Variants in WWP1 observed in about 807,000 individuals in gnomAD.
WWP1 encodes WW domain containing E3 ubiquitin protein ligase 1.
WWP1 carries 49 observed loss-of-function variants against 130.6 expected under a neutral mutation model. The ratio of observed to expected loss-of-function variants is 0.38; its 90% CI spans 0.30 to 0.48. WWP1 has a LOEUF of 0.48. Among genes scored for constraint, WWP1 ranks in the 20% least tolerant of loss-of-function variants. The probability of loss-of-function intolerance (pLI) is 0.99; values close to 1 mark genes in which losing one functional copy is unlikely to be tolerated. For synonymous variants in WWP1, 332 were observed against 367.8 expected, an observed-to-expected ratio of 0.90 and a Z score of 1.11; for missense variants, 809 against 1,100.6, an observed-to-expected ratio of 0.74 and a Z score of 3.75.
intron 18 of WWP1, among the ~76,000 whole-genome samples, 181 bp downstream of exon 18, chr8:86,442,959 G>A (rs1196081517): frequency 6.6e-6 from 1 of 151,996 alleles, no homozygotes; most frequent in Non-Finnish European, 1.5e-5. Context: ...TCAAGATTAT[G>A]AATATGAAGA....
At chr8:86,405,795 T>C (rs1808246739) in intron 8 of WWP1, among the ~76,000 whole-genome samples, 1 of 152,134 alleles carries the variant, frequency 6.6e-6, no homozygotes, top group African/African-American at 2.4e-5. Flanking sequence ...GCTTCCCAAA[T>C]TGTTGGGATT....
chr8:86,353,608 T>A (rs1306078979), intron 1 of WWP1, among the ~76,000 whole-genome samples: 2 of 152,144 alleles, frequency 1.3e-5, no homozygotes, highest in Non-Finnish European at 2.9e-5. Context: ...TTCTCCTGCC[T>A]CAGCCTCCCA....
intron 18 of WWP1, among the ~76,000 whole-genome samples, chr8:86,447,380 C>A (rs1810941194): frequency 6.6e-6 from 1 of 152,158 alleles, no homozygotes; most frequent in African/African-American, 2.4e-5. Flanking sequence ...AATTCTCCTG[C>A]CTCATCTTCC....
chr8:86,436,547 G>C (rs370360845), intron 16 of WWP1, among the ~76,000 whole-genome samples: 53 of 151,550 alleles, frequency 3.5e-4, no homozygotes, highest in African/African-American at 1.3e-3. Context: ...AGCTCCATGA[G>C]AGCAGGGACT....
chr8:86,461,718 T>C lies in WWP1; in HGVS notation c.2597-56T>C, dbSNP rs559084495. 4.7e-5 allele frequency: 65 copies of C among 1,369,326 alleles called. No individual in the cohort carries two copies. In the African/African-American group the frequency reaches 6.6e-4, roughly 14 times the overall value. The allele number at this position is 1,369,326 out of a possible 1,614,324, so 84.8% of individuals were successfully genotyped here. ...ACATGTTCTATTATTTAAGCAGTTG[T>C]CAGAAGAAAAAAGTTTAAAGGACCA... On this transcript the variant is annotated intron_variant, in intron 23 of 24. Transcript: ENST00000517970.
intron 9 of WWP1, among the ~76,000 whole-genome samples, chr8:86,415,645 A>C (rs1188430619): frequency 6.6e-6 from 1 of 152,222 alleles, no homozygotes; most frequent in Non-Finnish European, 1.5e-5. Context: ...ACAGAACATT[A>C]ATATCACCCT....
intron 3 of WWP1, among the ~76,000 whole-genome samples, chr8:86,377,077 C>A (rs997463679): frequency 2.6e-5 from 4 of 151,736 alleles, no homozygotes; most frequent in South Asian, 4.2e-4. Flanking sequence ...ATTACAAAGA[C>A]CTCTGTATTG....
intron 8 of WWP1, among the ~76,000 whole-genome samples, chr8:86,406,989 T>C (rs1231071507): frequency 6.6e-6 from 1 of 152,224 alleles, no homozygotes; most frequent in Admixed American, 6.5e-5. Context: ...AAAGTTCATG[T>C]GAAACTTAAC....
chr8:86,386,510 CAAT>C (rs760697544), intron 5 of WWP1, among the ~76,000 whole-genome samples: 1 of 151,938 alleles, frequency 6.6e-6, no homozygotes, highest in Non-Finnish European at 1.5e-5. Context: ...GGTGTCTTGA[CAAT>C]GATGCAGGCC....
At chr8:86,426,862 A>G (rs922106556) in intron 10 of WWP1, among the ~76,000 whole-genome samples, 9 of 152,220 alleles carry the variant, frequency 5.9e-5, no homozygotes, top group African/African-American at 1.9e-4. Context: ...AATGCTTATC[A>G]AAGAAAGAAG....
In WWP1 at chr8:86,398,752, G is replaced by T. The variant is rs1807814146; in HGVS notation, c.539+114G>T. 3 of 1,048,826 alleles carry T rather than the reference G, an allele frequency of 2.9e-6. No individual in the cohort carries two copies. In the Admixed American group the frequency reaches 7.5e-5, roughly 26 times the overall value. 65.0% of individuals were successfully genotyped at this position (1,048,826 alleles called of 1,614,324 possible). A position where few individuals can be genotyped will look rare whatever the true frequency, so the allele number is the denominator to read the frequency against. Reference sequence around the variant, plus strand: ...TTTGCCACACAGTTTAGAAGCTTATGTCTAAGCATGTCATTTGGTTAATTC... The same window carrying T: ...TTTGCCACACAGTTTAGAAGCTTATTTCTAAGCATGTCATTTGGTTAATTC... On this transcript the variant is annotated intron_variant, in intron 7 of 24. Coordinates refer to ENST00000517970, the MANE Select transcript of WWP1 (RefSeq NM_007013.4).
At chr8:86,415,560 A>G (rs935567492) in intron 9 of WWP1, among the ~76,000 whole-genome samples, 2 of 152,226 alleles carry the variant, frequency 1.3e-5, no homozygotes, top group African/African-American at 4.8e-5. Flanking sequence ...AAAGAAAAAC[A>G]CGAGTCTTGA....
At chr8:86,461,048 A>G (rs894307867) in intron 22 of WWP1, among the ~76,000 whole-genome samples, 176 bp from the exon 23 acceptor site, 4 of 151,890 alleles carry the variant, frequency 2.6e-5, no homozygotes, top group Admixed American at 2.6e-4. Flanking sequence ...TGACCTCGTG[A>G]TCCGCCTGCT....
chr8:86,381,399 G>T, intron 4 of WWP1, 106 bp from the exon 5 acceptor site: 2 of 1,321,792 alleles, frequency 1.5e-6, no homozygotes, highest in Admixed American at 2.8e-5. Context: ...TGAAATTCAC[G>T]GTTTTTAAAA....
chr8:86,415,348 C>T (rs1808829233), intron 9 of WWP1, among the ~76,000 whole-genome samples: 1 of 152,054 alleles, frequency 6.6e-6, no homozygotes, highest in African/African-American at 2.4e-5. Context: ...AGTGAAAACC[C>T]ATACACTTCC....
rs150086332 is a variant in WWP1 at position 86,343,266 on chromosome 8, C to CT, written c.-115+337dup. ...TCTCTTCGCCTTCCTCCACCTTTCC[C>CT]TAACACCTCCCTGAAAACACAAATA... is the stretch of plus-strand genomic sequence containing the variant. On this transcript the variant is annotated intron_variant, in intron 1 of 24. Coordinates refer to ENST00000517970, the MANE Select transcript of WWP1 (RefSeq NM_007013.4). The CT allele has an allele frequency of 8.8e-3, 1,379 of 155,882 alleles. 14 individuals are homozygous for CT. The highest frequency in any genetic ancestry group is 0.015 in the Non-Finnish European group (1,061 of 70,446). 9.7% of individuals were successfully genotyped at this position (155,882 alleles called of 1,614,324 possible). A position where few individuals can be genotyped will look rare whatever the true frequency, so the allele number is the denominator to read the frequency against.
At chr8:86,409,215 T>C (rs1382259043) in intron 8 of WWP1, among the ~76,000 whole-genome samples, 2 of 148,354 alleles carry the variant, frequency 1.3e-5, no homozygotes, top group Non-Finnish European at 3.0e-5. Context: ...TTATTCTTTT[T>C]CTTTTTCTTT....
intron 9 of WWP1, among the ~76,000 whole-genome samples, chr8:86,422,154 A>T (rs537814958): frequency 2.1e-4 from 32 of 152,284 alleles, no homozygotes; most frequent in Admixed American, 1.2e-3. Context: ...TAACCATCAC[A>T]CAAGTCAAGA....
chr8:86,362,121 T>C (rs1230886144), intron 1 of WWP1, among the ~76,000 whole-genome samples: 3 of 132,698 alleles, frequency 2.3e-5, no homozygotes, highest in Non-Finnish European at 4.8e-5. Flanking sequence ...ATATATACAC[T>C]AGGCATATGT....
Sources: gnomAD v4.1 joint callset for allele counts (sites outside exome capture counted in the v4.1 genomes callset) on GRCh38, gnomAD v4.1.1 for gene constraint, MANE v1.5 for transcripts, NCBI Gene and HGNC (gene_info 2026-07-23, HGNC 2026-07-21) for gene names.